PDGFC: variants seen among roughly 807,000 people sequenced by gnomAD.
PDGFC encodes the protein platelet derived growth factor C, also known as platelet-derived growth factor C.
A neutral mutation model predicts 35.5 loss-of-function variants in PDGFC; 12 were observed. The observed-to-expected ratio is 0.34, with a 90% confidence interval of 0.22 to 0.55. The LOEUF (loss-of-function observed/expected upper bound fraction) is 0.55, where lower values mean the gene tolerates loss of function less well. PDGFC is among the 20% of genes least tolerant of loss of function. PDGFC has a pLI of 0.91. For synonymous variants in PDGFC, 159 were observed against 148.8 expected, an observed-to-expected ratio of 1.07 and a Z score of -0.50; for missense variants, 322 against 412.4, an observed-to-expected ratio of 0.78 and a Z score of 1.90.
At chr4:156,811,600 T>C (rs867567933) in intron 2 of PDGFC, among the ~76,000 whole-genome samples, 11 of 152,134 alleles carry the variant, frequency 7.2e-5, no homozygotes, top group African/African-American at 2.7e-4. Context: ...TAACTAACCA[T>C]ATATGTGTAT....
intron 1 of PDGFC, among the ~76,000 whole-genome samples, chr4:156,860,012 CAA>C (rs1729672851): frequency 6.6e-6 from 1 of 152,130 alleles, no homozygotes; most frequent in Non-Finnish European, 1.5e-5. Context: ...CAACAGCTTT[CAA>C]ACTGATCTGA....
chr4:156,943,032 T>C (rs1253829862), intron 1 of PDGFC, among the ~76,000 whole-genome samples: 1 of 152,008 alleles, frequency 6.6e-6, no homozygotes, highest in African/African-American at 2.4e-5. Flanking sequence ...GTGAGTGAAT[T>C]CCCTCGAAAA....
intron 2 of PDGFC, among the ~76,000 whole-genome samples, chr4:156,830,055 T>C (rs1038908966): frequency 1.3e-5 from 2 of 152,148 alleles, no homozygotes; most frequent in African/African-American, 4.8e-5. Context: ...TTGTTACACA[T>C]ATAAGCAAAA....
chr4:156,818,516 GTTTTTTTTTT>G (rs35714916), intron 2 of PDGFC, among the ~76,000 whole-genome samples: 2 of 98,894 alleles, frequency 2.0e-5, no homozygotes, highest in African/African-American at 7.9e-5. Flanking sequence ...CTTTCTAGCT[GTTTTTTTTTT>G]TTTTTTTTTT....
chr4:156,852,570 T>A (rs1302274346), intron 1 of PDGFC, among the ~76,000 whole-genome samples: 1 of 152,184 alleles, frequency 6.6e-6, no homozygotes, highest in Non-Finnish European at 1.5e-5. Flanking sequence ...ATAGGTAGAA[T>A]TCTAAAATGA....
rs930144113 is a variant in PDGFC at position 156,822,382 on chromosome 4, A to T, written c.315-11365T>A. Among the ~76,000 whole-genome samples the T allele has an allele frequency of 1.3e-4, 19 of 147,752 alleles. No individual in the cohort carries two copies. The East Asian group carries it at 3.4e-3, about 26-fold the overall frequency. ...AAAAAAAAAAAAAAAAAAAAAGTGC[A>T]TAGTAATAAATTTAACCAATAAAGT... On this transcript the variant is annotated intron_variant, in intron 2 of 5. Coordinates refer to ENST00000502773, the MANE Select transcript of PDGFC (RefSeq NM_016205.3).
chr4:156,763,363 CA>C (rs33986749), intron 5 of PDGFC, among the ~76,000 whole-genome samples, 157 bp from the exon 6 acceptor site: 2,757 of 97,126 alleles, frequency 0.028, 50 homozygotes, highest in African/African-American at 0.065. Context: ...ACTCTCCCAC[CA>C]AAAAAAAAAA....
intron 2 of PDGFC, among the ~76,000 whole-genome samples, chr4:156,835,637 T>C (rs926588715): frequency 2.6e-5 from 4 of 152,342 alleles, no homozygotes; most frequent in African/African-American, 7.2e-5. Context: ...AATCCCATTA[T>C]ATTTTAAAAA....
chr4:156,887,003 G>A (rs1251604927), intron 1 of PDGFC: 1 of 151,986 alleles, frequency 6.6e-6, no homozygotes, highest in Non-Finnish European at 1.5e-5. Flanking sequence ...ACTGATGTTA[G>A]GATATTTTAT....
chr4:156,934,496 C>T (rs552730827), intron 1 of PDGFC, among the ~76,000 whole-genome samples: 3 of 152,232 alleles, frequency 2.0e-5, no homozygotes, highest in South Asian at 2.1e-4. Context: ...CATTACTGTA[C>T]ACTTTTGTAG....
intron 1 of PDGFC, among the ~76,000 whole-genome samples, chr4:156,969,005 G>T (rs1732528183): frequency 6.6e-6 from 1 of 152,150 alleles, no homozygotes. Context: ...ATGATAGCAT[G>T]GGGATCACAA....
At chr4:156,862,976 A>G (rs2111118951) in intron 1 of PDGFC, among the ~76,000 whole-genome samples, 1 of 152,244 alleles carries the variant, frequency 6.6e-6, no homozygotes, top group South Asian at 2.1e-4. Context: ...TATAGGCCTG[A>G]GCCACCACAA....
intron 1 of PDGFC, among the ~76,000 whole-genome samples, chr4:156,931,175 C>T (rs955309187): frequency 1.3e-5 from 2 of 152,146 alleles, no homozygotes. Context: ...CCTTCCAGAA[C>T]TTGAAACTGA....
intron 2 of PDGFC, among the ~76,000 whole-genome samples, chr4:156,847,498 G>A (rs1212183213): frequency 1.3e-5 from 2 of 151,758 alleles, no homozygotes; most frequent in African/African-American, 4.8e-5. Context: ...GATTCTAGGT[G>A]ACTAACGAGA....
chr4:156,851,671 C>T (rs1398536104), intron 1 of PDGFC, among the ~76,000 whole-genome samples: 1 of 152,048 alleles, frequency 6.6e-6, no homozygotes, highest in African/African-American at 2.4e-5. Context: ...AGGACCATCG[C>T]GGTGGCTCAC....
chr4:156,862,604 A>T (rs761816843), intron 1 of PDGFC, among the ~76,000 whole-genome samples: 3 of 152,220 alleles, frequency 2.0e-5, no homozygotes, highest in Non-Finnish European at 4.4e-5. Context: ...CATTACACAA[A>T]TAATCCAAAA....
At position 156,921,355 on chromosome 4, in the gene PDGFC, C is replaced by T. The variant is rs200670672; in HGVS notation, c.118+49431G>A. 3.3e-5 allele frequency among the ~76,000 whole-genome samples: 5 copies of T among 152,146 alleles called. No homozygotes were observed. In the East Asian group the frequency reaches 9.7e-4, roughly 30 times the overall value. On this transcript the variant is annotated intron_variant, in intron 1 of 5. Transcript: ENST00000502773. The stretch of plus-strand genomic sequence containing the variant: ...TAATCAGAGAAAAACTACCCACACC[C>T]CAGCCTCAAAAATACTGAGAATGGT...
At position 156,763,150 on chromosome 4, in the gene PDGFC, G is replaced by A. The variant is rs769405300; in HGVS notation, c.978C>T (p.Asp326=). The change falls in exon 6 of 6, where the codon GAC becomes GAT. Residue 326 remains aspartate, a synonymous_variant. Coordinates refer to ENST00000502773, the MANE Select transcript of PDGFC (RefSeq NM_016205.3). ...ACTCCTCATGGTGCTCCAGGGCCAC[G>A]TCGGTGAGTGATTTGTGCAATCCCC... is the stretch of plus-strand genomic sequence containing the variant. ...GVRGLHKSLT[D]VALEHHEECD... 1.9e-5 allele frequency: 30 copies of A among 1,613,064 alleles called. No individual in the cohort carries two copies. The highest frequency in any genetic ancestry group is 2.5e-5 in the Non-Finnish European group (29 of 1,179,194).
intron 3 of PDGFC, among the ~76,000 whole-genome samples, chr4:156,801,343 T>C (rs1424190681): frequency 6.6e-6 from 1 of 152,188 alleles, no homozygotes; most frequent in Non-Finnish European, 1.5e-5. Context: ...GCCTCCTGTT[T>C]AGCTGGCTCT....
Sources: allele counts gnomAD v4.1 joint callset (sites outside exome capture counted in the v4.1 genomes callset), GRCh38; gene constraint gnomAD v4.1.1; transcripts MANE v1.5; gene names NCBI Gene and HGNC (gene_info 2026-07-23, HGNC 2026-07-21).